The following CSMD1 variants were observed in gnomAD, a reference collection of about 807,000 sequenced individuals.
CSMD1 encodes CUB and Sushi multiple domains 1, also known as CUB and sushi domain-containing protein 1.
A neutral mutation model predicts 417.5 loss-of-function variants in CSMD1; 213 were observed. The observed-to-expected ratio is 0.51, with a 90% CI of 0.46 to 0.57. The LOEUF (loss-of-function observed/expected upper bound fraction) is 0.57. Among genes scored for constraint, CSMD1 ranks in the 20% least tolerant of loss-of-function variants. The probability of loss-of-function intolerance (pLI) is 0.00; values close to 1 mark genes in which losing one functional copy is unlikely to be tolerated. For missense variants in CSMD1, 6,923 were observed against 4,529.7 expected (o/e 1.53, Z -15.17); for synonymous variants, 2,862 against 1,736.8 (o/e 1.65, Z -16.11).
At chr8:3,929,638 C>A (rs1476624858) in intron 5 of CSMD1, among the ~76,000 whole-genome samples, 1 of 148,108 alleles carries the variant, frequency 6.8e-6, no homozygotes, top group African/African-American at 2.5e-5. Context: ...TATATTGTTT[C>A]AAAACATATT....
intron 23 of CSMD1, among the ~76,000 whole-genome samples, chr8:3,329,319 G>C (rs1276112766): frequency 6.6e-6 from 1 of 152,044 alleles, no homozygotes; most frequent in African/African-American, 2.4e-5. Flanking sequence ...ACCCCTAAGA[G>C]CAGGCTTCAT....
At chr8:4,858,622 C>T (rs7815296) in intron 1 of CSMD1, among the ~76,000 whole-genome samples, 1 of 152,014 alleles carries the variant, frequency 6.6e-6, no homozygotes, top group Non-Finnish European at 1.5e-5. Context: ...ACACCAACAA[C>T]AGACAAACAG....
At chr8:4,011,464 T>C (rs900346950) in intron 4 of CSMD1, among the ~76,000 whole-genome samples, 10 of 152,174 alleles carry the variant, frequency 6.6e-5, no homozygotes, top group African/African-American at 2.2e-4. Flanking sequence ...ACATTTGCGG[T>C]CTTTAACCTT....
chr8:4,730,698 G>C (rs936266864), intron 1 of CSMD1, among the ~76,000 whole-genome samples: 1 of 151,834 alleles, frequency 6.6e-6, no homozygotes, highest in Non-Finnish European at 1.5e-5. Context: ...GAGAGATCGT[G>C]CCACTGCACT....
intron 3 of CSMD1, among the ~76,000 whole-genome samples, chr8:4,357,960 G>A (rs545318883): frequency 6.6e-6 from 1 of 152,126 alleles, no homozygotes; most frequent in African/African-American, 2.4e-5. Context: ...TGTAATGCCT[G>A]AATGAGACTC....
intron 10 of CSMD1, among the ~76,000 whole-genome samples, chr8:3,496,413 G>T (rs1419481230): frequency 6.6e-6 from 1 of 152,182 alleles, no homozygotes; most frequent in Non-Finnish European, 1.5e-5. Flanking sequence ...CAACCTACAA[G>T]AACTCACTGA....
intron 11 of CSMD1, among the ~76,000 whole-genome samples, chr8:3,477,224 T>G (rs535790385): frequency 6.6e-6 from 1 of 152,320 alleles, no homozygotes; most frequent in South Asian, 2.1e-4. Flanking sequence ...TGCCTGGATT[T>G]TATGGGTATG....
rs371307000 is a variant in CSMD1 at position 4,484,266 on chromosome 8, G to A, written c.303-64201C>T. 1.2e-4 allele frequency among the ~76,000 whole-genome samples: 18 copies of A among 151,492 alleles called. No individual in the cohort carries two copies. In the East Asian group the frequency reaches 1.6e-3, roughly 13 times the overall value. ...AATTCTATGGAAGGATTTTCTTCTA[G>A]GAACAAGGTTTCATTTTGTTTTGTC... On this transcript the variant is annotated intron_variant, in intron 2 of 69. Coordinates refer to ENST00000635120, the MANE Select transcript of CSMD1 (RefSeq NM_033225.6).
chr8:4,511,695 C>G (rs189782746), intron 2 of CSMD1, among the ~76,000 whole-genome samples: 6 of 152,092 alleles, frequency 3.9e-5, no homozygotes, highest in South Asian at 2.1e-4. Flanking sequence ...AAGGCAGAGC[C>G]GTAACTGATG....
At chr8:4,785,838 T>A (rs1481251896) in intron 1 of CSMD1, among the ~76,000 whole-genome samples, 1 of 152,108 alleles carries the variant, frequency 6.6e-6, no homozygotes, top group Non-Finnish European at 1.5e-5. Context: ...CACTTGGAAA[T>A]GATTAAAGAT....
chr8:3,485,377 G>A (rs1407843729), intron 11 of CSMD1, among the ~76,000 whole-genome samples: 2 of 151,964 alleles, frequency 1.3e-5, no homozygotes, highest in South Asian at 2.1e-4. Context: ...GTTTGGCAGG[G>A]GTCAGCTTTA....
intron 3 of CSMD1, among the ~76,000 whole-genome samples, chr8:4,301,760 C>G (rs1797992366): frequency 6.6e-6 from 1 of 152,194 alleles, no homozygotes; most frequent in South Asian, 2.1e-4. Flanking sequence ...GTCCTGCCTC[C>G]TTAAACCTAG....
At chr8:3,190,524 G>T (rs770044724) in intron 33 of CSMD1, among the ~76,000 whole-genome samples, 1 of 152,098 alleles carries the variant, frequency 6.6e-6, no homozygotes, top group African/African-American at 2.4e-5. Flanking sequence ...GTCCTCACAG[G>T]CCTCTGAGTC....
At position 3,294,285 on chromosome 8, in the gene CSMD1, G is replaced by C. The variant is rs191785829; in HGVS notation, c.3951-9939C>G. Among the ~76,000 whole-genome samples the C allele has an allele frequency of 1.8e-3, 270 of 152,300 alleles. 2 individuals carry two copies. The highest frequency in any genetic ancestry group is 6.1e-3 in the African/African-American group (252 of 41,576). ...CTCAGGGGTCAGGGACCCCCTTGAG[G>C]AGGCAGTCTGTCTGTTCTGAGATCT... On this transcript the variant is annotated intron_variant, in intron 25 of 69. Coordinates refer to ENST00000635120, the MANE Select transcript of CSMD1 (RefSeq NM_033225.6).
At chr8:4,370,361 C>A (rs1235830619) in intron 3 of CSMD1, among the ~76,000 whole-genome samples, 2 of 152,128 alleles carry the variant, frequency 1.3e-5, no homozygotes, top group South Asian at 4.1e-4. Context: ...TTCTCTCTAG[C>A]TGCTTTCAAG....
intron 26 of CSMD1, among the ~76,000 whole-genome samples, chr8:3,238,398 G>T (rs555248871): frequency 1.1e-3 from 172 of 152,130 alleles, no homozygotes; most frequent in African/African-American, 4.1e-3. Context: ...GGGTTCAGAG[G>T]CCTGAAAGTC....
chr8:3,823,573 C>G (rs1435616649), intron 5 of CSMD1, among the ~76,000 whole-genome samples: 1 of 151,998 alleles, frequency 6.6e-6, no homozygotes, highest in Non-Finnish European at 1.5e-5. Context: ...AATTATAATG[C>G]AATGGATACA....
intron 2 of CSMD1, among the ~76,000 whole-genome samples, chr8:4,555,248 G>C (rs535467606): frequency 6.6e-6 from 1 of 152,308 alleles, no homozygotes; most frequent in African/African-American, 2.4e-5. Flanking sequence ...AGAAATCTGA[G>C]AGGAGATGGC....
intron 3 of CSMD1, among the ~76,000 whole-genome samples, chr8:4,294,929 A>T (rs1300554535): frequency 6.6e-6 from 1 of 151,544 alleles, no homozygotes; most frequent in Non-Finnish European, 1.5e-5. Flanking sequence ...ATGTGGTCCT[A>T]TTCTCTCTTC....
Sources: allele counts gnomAD v4.1 joint callset (sites outside exome capture counted in the v4.1 genomes callset), GRCh38; gene constraint gnomAD v4.1.1; transcripts MANE v1.5; gene names NCBI Gene and HGNC (gene_info 2026-07-23, HGNC 2026-07-21).